The following FTO variants were observed in gnomAD, a reference collection of about 807,000 sequenced individuals.
The protein encoded by FTO is FTO alpha-ketoglutarate dependent dioxygenase.
In FTO, 47 loss-of-function variants were observed where a neutral mutation model predicts 63.9. That is an observed-to-expected ratio of 0.74 (90% CI 0.58 to 0.94). The LOEUF (loss-of-function observed/expected upper bound fraction) is 0.94. Ranked by LOEUF, FTO falls within the 40% of genes least tolerant of loss-of-function variation. The pLI, the probability that FTO is intolerant of heterozygous loss-of-function variation, is 0.00. For synonymous variants in FTO, 207 were observed against 224.4 expected, an observed-to-expected ratio of 0.92 and a Z score of 0.69; for missense variants, 562 against 618.1, an observed-to-expected ratio of 0.91 and a Z score of 0.96.
chr16:53,866,559 C>T (rs1447863962), intron 4 of FTO, among the ~76,000 whole-genome samples: 1 of 152,074 alleles, frequency 6.6e-6, no homozygotes, highest in Admixed American at 6.6e-5. Context: ...AGAGATAGGC[C>T]TATTCATATT....
rs2079552970 is a variant in FTO, at chr16:53,844,178, G to A, written c.775G>A (p.Asp259Asn). The A allele has an allele frequency of 6.2e-7, 1 of 1,613,818 alleles. No individual in the cohort carries two copies. Among genetic ancestry groups the A allele is most frequent in the East Asian group, 2.2e-5 (1 of 44,864 alleles). The stretch of plus-strand genomic sequence containing the variant: ...AGGCCCTGAAGAGGAAAGTGAGGAT[G>A]ACTCTCATCTCGAAGGCAGGGATCC... The part of the protein sequence containing the change: ...CEGPEEESED[D>N]SHLEGRDPDI... Residue 259 changes from aspartate to asparagine, a missense_variant, in exon 4 of 9, where the codon GAC becomes AAC. Transcript: ENST00000471389.
intron 8 of FTO, among the ~76,000 whole-genome samples, chr16:54,075,268 TTGGTAATGGCAATATTATTA>T (rs2085965374): frequency 6.6e-6 from 1 of 152,190 alleles, no homozygotes; most frequent in South Asian, 2.1e-4. Context: ...GGAATATCTG[TTGGTAATGGCAATATTATTA>T]ACGTACTTTT....
chr16:53,895,249 A>AT (rs1204971701), intron 7 of FTO, among the ~76,000 whole-genome samples: 2 of 151,836 alleles, frequency 1.3e-5, no homozygotes, highest in South Asian at 2.1e-4. Context: ...AGAGTTTTCC[A>AT]TTTTTTTCCC....
intron 8 of FTO, chr16:53,984,848 T>C: frequency 2.3e-6 from 1 of 432,436 alleles, no homozygotes; most frequent in East Asian, 7.0e-5. Flanking sequence ...TCTTTTGGTG[T>C]CTTTTGGATT....
At chr16:53,797,951 A>G (rs2078118729) in intron 1 of FTO, among the ~76,000 whole-genome samples, 1 of 151,976 alleles carries the variant, frequency 6.6e-6, no homozygotes, top group African/African-American at 2.4e-5. Flanking sequence ...TTAAGGTTTT[A>G]TATTAGGTTT....
At chr16:53,818,311 G>A (rs1377004115) in intron 2 of FTO, among the ~76,000 whole-genome samples, 1 of 151,928 alleles carries the variant, frequency 6.6e-6, no homozygotes, top group Non-Finnish European at 1.5e-5. Context: ...CTTTGAGATA[G>A]TGACAAAATT....
intron 8 of FTO, among the ~76,000 whole-genome samples, chr16:53,961,625 GTTT>G (rs2083083006): frequency 1.3e-5 from 2 of 152,204 alleles, no homozygotes; most frequent in African/African-American, 2.4e-5. Flanking sequence ...ACTGGCTTGT[GTTT>G]CATCATTATC....
At chr16:53,819,979 A>G (rs545486100) in intron 2 of FTO, among the ~76,000 whole-genome samples, 1 of 151,542 alleles carries the variant, frequency 6.6e-6, no homozygotes, top group South Asian at 2.1e-4. Flanking sequence ...TGATGTGGCT[A>G]TAACAGATAC....
intron 4 of FTO, among the ~76,000 whole-genome samples, chr16:53,870,726 T>C (rs969596187): frequency 1.3e-5 from 2 of 152,242 alleles, no homozygotes; most frequent in Non-Finnish European, 2.9e-5. Context: ...TTATTTTGGA[T>C]TTAAAAAGGC....
intron 8 of FTO, among the ~76,000 whole-genome samples, chr16:53,989,441 G>A (rs1215620389): frequency 6.6e-6 from 1 of 152,298 alleles, no homozygotes; most frequent in African/African-American, 2.4e-5. Context: ...AGGTACTGGG[G>A]TCTCGAACCC....
intron 8 of FTO, among the ~76,000 whole-genome samples, chr16:54,068,619 C>G (rs2085788088): frequency 6.6e-6 from 1 of 152,202 alleles, no homozygotes; most frequent in Admixed American, 6.5e-5. Context: ...ATAGCCTCCT[C>G]CATTTTCAGC....
rs560556349 is a variant in FTO at position 53,841,746 on chromosome 16, A to C, written c.752-2409A>C. Among the ~76,000 whole-genome samples, 4 of 152,224 alleles carry C rather than the reference A, an allele frequency of 2.6e-5. No individual in the cohort carries two copies. In the South Asian group the frequency reaches 8.3e-4, roughly 32 times the overall value. On this transcript the variant is annotated intron_variant, in intron 3 of 8. Coordinates refer to ENST00000471389, the MANE Select transcript of FTO (RefSeq NM_001080432.3). ...CCATCTGGGATGCATGTATTTTTTA[A>C]ATTGTTTATGTGATATATACATGAT...
chr16:53,774,618 G>A (rs2077420295), intron 1 of FTO, among the ~76,000 whole-genome samples: 1 of 152,106 alleles, frequency 6.6e-6, no homozygotes, highest in Non-Finnish European at 1.5e-5. Context: ...TATATGTCTG[G>A]ATTTAGTTGT....
Position 53,852,101 on chromosome 16 carries a change from C to CAAAAAAAAAAAAAAAAAAAAAAAAAAAA in FTO, c.895+7822_895+7823insAAAAAAAAAAAAAAAAAAAAAAAAAAAA, listed in dbSNP as rs57004473. 5.5e-5 allele frequency among the ~76,000 whole-genome samples: 3 copies of CAAAAAAAAAAAAAAAAAAAAAAAAAAAA among 54,444 alleles called. 1 individual carries two copies. The highest frequency in any genetic ancestry group is 1.8e-4 in the African/African-American group (3 of 16,904). 35.7% of individuals were successfully genotyped at this position (54,444 alleles called of 152,430 possible). ...CAAAACTCTGTCTCTACAAAAAATACAAAAAAAAAAAAAAAAAAAGCCAGG... is the reference window on the plus strand; with the variant it reads ...CAAAACTCTGTCTCTACAAAAAATACAAAAAAAAAAAAAAAAAAAAAAAAAAAAAAAAAAAAAAAAAAAAAAAGCCAGG... On this transcript the variant is annotated intron_variant, in intron 4 of 8. Coordinates refer to ENST00000471389, the MANE Select transcript of FTO (RefSeq NM_001080432.3).
At chr16:53,798,071 A>T in intron 1 of FTO, among the ~76,000 whole-genome samples, 1 of 151,920 alleles carries the variant, frequency 6.6e-6, no homozygotes. Flanking sequence ...ATTTGTTAGG[A>T]CTCTTCTTTC....
intron 2 of FTO, among the ~76,000 whole-genome samples, chr16:53,819,393 AG>A (rs1282713156): frequency 6.6e-6 from 1 of 152,114 alleles, no homozygotes; most frequent in Non-Finnish European, 1.5e-5. Flanking sequence ...GCTAGTCTCG[AG>A]CTCGTCAGCT....
chr16:53,810,027 A>G, intron 1 of FTO, 113 bp from the exon 2 acceptor site: 1 of 681,624 alleles, frequency 1.5e-6, no homozygotes, highest in Non-Finnish European at 2.6e-6. Flanking sequence ...CTAAAAGATT[A>G]TAAATTCAAA....
chr16:54,029,406 G>C (rs920859488), intron 8 of FTO, among the ~76,000 whole-genome samples: 1 of 152,130 alleles, frequency 6.6e-6, no homozygotes, highest in Non-Finnish European at 1.5e-5. Flanking sequence ...CCTGAACAAA[G>C]AACAGTTCAT....
intron 8 of FTO, among the ~76,000 whole-genome samples, chr16:53,971,857 A>G (rs1343636557): frequency 6.6e-6 from 1 of 152,192 alleles, no homozygotes; most frequent in Non-Finnish European, 1.5e-5. Context: ...ATAAAATCCC[A>G]TCCGCGCTGT....
Sources: allele counts gnomAD v4.1 joint callset (sites outside exome capture counted in the v4.1 genomes callset), GRCh38; gene constraint gnomAD v4.1.1; transcripts MANE v1.5; gene names NCBI Gene and HGNC (gene_info 2026-07-23, HGNC 2026-07-21).